Variants in ANKRD11 observed in about 807,000 individuals in gnomAD.
The protein encoded by ANKRD11 is ankyrin repeat domain 11.
A neutral mutation model predicts 195.7 loss-of-function variants in ANKRD11; 17 were observed. The ratio of observed to expected loss-of-function variants is 0.09; its 90% CI spans 0.06 to 0.13. The LOEUF is 0.13. Ranked by LOEUF, ANKRD11 falls within the 10% of genes least tolerant of loss-of-function variation. ANKRD11 has a pLI of 1.00. For missense variants in ANKRD11, 3,735 were observed against 3,566.1 expected, an observed-to-expected ratio of 1.05 and a Z score of -1.21; for synonymous variants, 1,953 against 1,528.1, an observed-to-expected ratio of 1.28 and a Z score of -6.49.
At chr16:89,454,038 T>C (rs935672078) in intron 1 of ANKRD11, among the ~76,000 whole-genome samples, 4 of 152,250 alleles carry the variant, frequency 2.6e-5, no homozygotes, top group Admixed American at 6.5e-5. Flanking sequence ...ACCCGGCAGG[T>C]AGTACATGTT....
intron 2 of ANKRD11, among the ~76,000 whole-genome samples, chr16:89,375,761 C>T (rs1003297547): frequency 2.4e-5 from 3 of 127,192 alleles, no homozygotes; most frequent in East Asian, 2.3e-4. Context: ...CAGCCGACTC[C>T]GTCTCTTAAA....
intron 2 of ANKRD11, among the ~76,000 whole-genome samples, chr16:89,318,090 C>A (rs1282980352): frequency 1.3e-5 from 2 of 152,226 alleles, no homozygotes; most frequent in African/African-American, 2.4e-5. Context: ...CTTCCCCGAG[C>A]CCCTGCTTCC....
chr16:89,421,921 G>A lies in ANKRD11; in HGVS notation c.-144-3553C>T, dbSNP rs139960931. On this transcript the variant is annotated intron_variant, in intron 1 of 12. Coordinates refer to ENST00000301030, the MANE Select transcript of ANKRD11 (RefSeq NM_013275.6). ...GGGAGTTGCTTCTACCTATGGAAAT[G>A]GCAACAGGACAAGATGATAACCCAG... is the stretch of plus-strand genomic sequence containing the variant. 4.4e-3 allele frequency among the ~76,000 whole-genome samples: 665 copies of A among 152,274 alleles called. 5 individuals are homozygous for A. Among genetic ancestry groups the A allele is most frequent in the African/African-American group, 0.015 (612 of 41,538 alleles).
intron 2 of ANKRD11, among the ~76,000 whole-genome samples, chr16:89,369,085 T>C (rs139315972): frequency 3.3e-5 from 5 of 152,198 alleles, no homozygotes; most frequent in Admixed American, 2.6e-4. Context: ...TGCCCTACAA[T>C]GATCACATCA....
intron 3 of ANKRD11, among the ~76,000 whole-genome samples, chr16:89,314,608 A>ACGCCCAGCCTGCTGGTGTGTCAAG (rs1053086168): frequency 6.6e-6 from 1 of 151,908 alleles, no homozygotes; most frequent in African/African-American, 2.4e-5. Flanking sequence ...GGGCTCCACC[A>ACGCCCAGCCTGCTGGTGTGTCAAG]CGCCCAGCCT....
At chr16:89,469,876 C>T (rs942900661) in intron 1 of ANKRD11, among the ~76,000 whole-genome samples, 1 of 148,108 alleles carries the variant, frequency 6.8e-6, no homozygotes, top group Admixed American at 6.7e-5. Flanking sequence ...GAGTGAGGCT[C>T]CGTTTCAGAA....
At chr16:89,274,612 C>G (rs2033479926) in intron 11 of ANKRD11, 1 of 736,104 alleles carries the variant, frequency 1.4e-6, no homozygotes, top group African/African-American at 1.7e-5. Context: ...GTGCGGGGAG[C>G]TGTCTGCTGT....
intron 1 of ANKRD11, among the ~76,000 whole-genome samples, chr16:89,466,422 T>A (rs1204514752): frequency 1.3e-5 from 2 of 152,112 alleles, no homozygotes; most frequent in Non-Finnish European, 2.9e-5. Flanking sequence ...TGGTGATGGG[T>A]GCACAATATA....
chr16:89,416,063 C>T (rs2042299474), intron 2 of ANKRD11, among the ~76,000 whole-genome samples: 1 of 151,958 alleles, frequency 6.6e-6, no homozygotes, highest in Admixed American at 6.6e-5. Context: ...AAGACAAAAT[C>T]AATACTGAGG....
chr16:89,356,896 G>C (rs954568459), intron 2 of ANKRD11, among the ~76,000 whole-genome samples: 1 of 152,214 alleles, frequency 6.6e-6, no homozygotes, highest in African/African-American at 2.4e-5. Flanking sequence ...CCCAGGCCCT[G>C]TGGCTGTAAT....
intron 1 of ANKRD11, among the ~76,000 whole-genome samples, chr16:89,488,074 A>G (rs1229508461): frequency 2.0e-5 from 3 of 152,198 alleles, no homozygotes; most frequent in African/African-American, 7.2e-5. Flanking sequence ...CAGGTTTTAA[A>G]GGTGACACCT....
intron 9 of ANKRD11, chr16:89,278,343 G>A (rs748514598): frequency 7.7e-5 from 27 of 352,160 alleles, no homozygotes; most frequent in Non-Finnish European, 1.4e-4. Flanking sequence ...CAGGCCCCGC[G>A]GCCCAGGGCA....
At chr16:89,455,718 CAA>C (rs969579325) in intron 1 of ANKRD11, among the ~76,000 whole-genome samples, 28 of 152,122 alleles carry the variant, frequency 1.8e-4, no homozygotes, top group African/African-American at 6.5e-4. Context: ...ATTGCTGGTA[CAA>C]AAGAGTGCCG....
rs1316180846 is a variant in ANKRD11, at chr16:89,353,125, T to C, written c.-59-36047A>G. On this transcript the variant is annotated intron_variant, in intron 2 of 12. Transcript: ENST00000301030. ...TTGGGAGGCCAAGGCAGGTGGATCA[T>C]GAGGTCAGGAGTTCAAGACCAGCCT... Among the ~76,000 whole-genome samples the C allele has an allele frequency of 3.3e-5, 5 of 152,180 alleles. No homozygotes were observed. In the East Asian group the frequency reaches 9.7e-4, roughly 30 times the overall value.
chr16:89,305,050 GT>G, intron 4 of ANKRD11, 155 bp downstream of exon 4: 1 of 1,193,986 alleles, frequency 8.4e-7, no homozygotes, highest in Admixed American at 2.4e-5. Context: ...GTGGGGGCCT[GT>G]GCTCCGCCCC....
intron 2 of ANKRD11, among the ~76,000 whole-genome samples, chr16:89,401,357 C>T (rs1000122484): frequency 6.6e-6 from 1 of 151,800 alleles, no homozygotes; most frequent in African/African-American, 2.4e-5. Context: ...GATTACAGCA[C>T]GAGCCACTGC....
chr16:89,320,843 T>G (rs2037273116), intron 2 of ANKRD11, among the ~76,000 whole-genome samples: 1 of 152,238 alleles, frequency 6.6e-6, no homozygotes, highest in Non-Finnish European at 1.5e-5. Flanking sequence ...CTCTCCACAC[T>G]GCGAGAGCCC....
chr16:89,270,696 G>A (rs532280610), intron 12 of ANKRD11, 121 bp downstream of exon 12: 37 of 944,118 alleles, frequency 3.9e-5, no homozygotes, highest in South Asian at 5.6e-5. Flanking sequence ...AATTGTCACC[G>A]CCCATCACAG....
intron 2 of ANKRD11, among the ~76,000 whole-genome samples, chr16:89,319,444 C>T (rs562340490): frequency 2.6e-5 from 4 of 152,354 alleles, no homozygotes; most frequent in South Asian, 2.1e-4. Flanking sequence ...TCCGGGGACT[C>T]GGGAGTGTTG....
Sources: gnomAD v4.1 joint callset for allele counts (sites outside exome capture counted in the v4.1 genomes callset) on GRCh38, gnomAD v4.1.1 for gene constraint, MANE v1.5 for transcripts, NCBI Gene and HGNC (gene_info 2026-07-23, HGNC 2026-07-21) for gene names.